The following FAM120A variants were observed in gnomAD, a reference collection of about 807,000 sequenced individuals.
FAM120A encodes the protein constitutive coactivator of PPAR-gamma-like protein 1.
FAM120A carries 15 observed loss-of-function variants against 109.7 expected under a neutral mutation model. The ratio of observed to expected loss-of-function variants is 0.14; its 90% CI spans 0.09 to 0.21. The LOEUF (loss-of-function observed/expected upper bound fraction) is 0.21, where lower values mean the gene tolerates loss of function less well. Ranked by LOEUF, FAM120A falls within the 10% of genes least tolerant of loss-of-function variation. The pLI, the probability that FAM120A is intolerant of heterozygous loss-of-function variation, is 1.00. For missense variants in FAM120A, 899 were observed against 1,439.3 expected (o/e 0.62, Z 6.07); for synonymous variants, 493 against 572.8 (o/e 0.86, Z 1.99).
Position 93,452,985 on chromosome 9 carries a change from T to G in FAM120A, c.474+596T>G. On this transcript the variant is annotated intron_variant, in intron 1 of 17. Transcript: ENST00000277165. This position sits in a 1 kb window ranked among gnomAD's most constrained non-coding sequence, Gnocchi z 7.0. The stretch of plus-strand genomic sequence containing the variant: ...ACGCAGTGCCCTGTCCGTGTTCCTC[T>G]TAGTACAGGGTGTTTAGAGAATCTT... 1.5e-6 allele frequency: 2 copies of G among 1,325,484 alleles called. No homozygotes were observed. Among genetic ancestry groups the G allele is most frequent in the Non-Finnish European group, 1.9e-6 (2 of 1,039,146 alleles). The allele number at this position is 1,325,484 out of a possible 1,614,324, so 82.1% of individuals were successfully genotyped here. A position where few individuals can be genotyped will look rare whatever the true frequency, so the allele number is the denominator to read the frequency against.
chr9:93,462,617 C>T (rs1251636448), intron 1 of FAM120A, among the ~76,000 whole-genome samples: 3 of 152,134 alleles, frequency 2.0e-5, no homozygotes, highest in South Asian at 2.1e-4. Flanking sequence ...TGTTGTATAA[C>T]CATCACCACC....
At position 93,471,219 on chromosome 9, in the gene FAM120A, T is replaced by C; in HGVS notation, c.553T>C (p.Tyr185His). ...RENGFHGLVAYDSDYALCNIP... is the reference protein window; with the variant it reads ...RENGFHGLVAHDSDYALCNIP... ...GAATGGTTTCCATGGCTTGGTTGCG[T>C]ATGACTCTGATTATGCACTGTGCAA... The change falls in exon 2 of 18, where the codon TAT (tyrosine) becomes CAT (histidine). Residue 185 changes from tyrosine (Y) to histidine (H), a missense_variant. Physicochemically the swap from Tyr to His is moderately conservative, Grantham distance 83 (BLOSUM62 2). Coordinates refer to ENST00000277165, the MANE Select transcript of FAM120A (RefSeq NM_014612.5). The C allele has an allele frequency of 6.2e-7, 1 of 1,614,202 alleles. No individual in the cohort carries two copies. Among genetic ancestry groups the C allele is most frequent in the Non-Finnish European group, 8.5e-7 (1 of 1,180,038 alleles).
Position 93,529,475 on chromosome 9 carries a change from C to G in FAM120A, c.1629C>G (p.Ile543Met). ...TGCCCACCAGGAACCACATGGACAT[C>G]ACCACACCTCCCCTGCCCCCCGTCG... ...LSMPTRNHMD[I>M]TTPPLPPVAP... The change falls in exon 9 of 18, where the codon ATC (isoleucine) becomes ATG (methionine). Residue 543 changes from isoleucine to methionine, a missense_variant. Ile to Met is a conservative substitution (Grantham distance 10). This residue lies in a region of FAM120A where 133 missense variants were observed against 276.6 expected (regional missense o/e 0.48). Transcript: ENST00000277165. 6 of 1,614,210 alleles carry G rather than the reference C, an allele frequency of 3.7e-6. No individual in the cohort carries two copies. The highest frequency in any genetic ancestry group is 4.2e-6 in the Non-Finnish European group (5 of 1,180,024).
rs180695438 is a variant in FAM120A, at chr9:93,543,138, T to G, written c.1910-84T>G. Reference sequence around the variant, plus strand: ...CCTGAGAGGCGAATCTTTAGACCAGTTACTAGAGCTGCTTGTTTTTGTTAA... The same window carrying G: ...CCTGAGAGGCGAATCTTTAGACCAGGTACTAGAGCTGCTTGTTTTTGTTAA... On this transcript the variant is annotated intron_variant, in intron 10 of 17. Coordinates refer to ENST00000277165, the MANE Select transcript of FAM120A (RefSeq NM_014612.5). The G allele has an allele frequency of 1.7e-5, 26 of 1,520,042 alleles. 2 individuals carry two copies. In the African/African-American group the frequency reaches 3.5e-4, roughly 20 times the overall value. 94.2% of individuals were successfully genotyped at this position (1,520,042 alleles called of 1,614,324 possible). A position where few individuals can be genotyped will look rare whatever the true frequency, so the allele number is the denominator to read the frequency against.
In FAM120A at chr9:93,476,238, T is replaced by C; in HGVS notation, c.722-18T>C. On this transcript the variant is annotated intron_variant, in intron 2 of 17. Coordinates refer to ENST00000277165, the MANE Select transcript of FAM120A (RefSeq NM_014612.5). ...ACTTAAGATGATTGCTTTTATGTTA[T>C]CCATGTTTATATTCCAGGAAATCAC... 1.3e-6 allele frequency: 2 copies of C among 1,538,958 alleles called. No individual in the cohort carries two copies. The highest frequency in any genetic ancestry group is 1.8e-6 in the Non-Finnish European group (2 of 1,112,660).
intron 2 of FAM120A, 96 bp downstream of exon 2, chr9:93,471,483 T>C: frequency 6.8e-7 from 1 of 1,465,886 alleles, no homozygotes; most frequent in Non-Finnish European, 9.3e-7. Context: ...GTTTTGGATA[T>C]GTATCACACA....
At chr9:93,511,369 G>A (rs532339041) in intron 5 of FAM120A, among the ~76,000 whole-genome samples, 1 of 152,316 alleles carries the variant, frequency 6.6e-6, no homozygotes, top group Admixed American at 6.5e-5. Flanking sequence ...TTAGCTCTTG[G>A]GAGTTGCTCC....
intron 11 of FAM120A, among the ~76,000 whole-genome samples, chr9:93,547,213 G>A (rs1455656343): frequency 2.6e-5 from 4 of 152,208 alleles, no homozygotes; most frequent in African/African-American, 9.6e-5. Context: ...TCCAAAAGCA[G>A]CAGCTTATGT....
chr9:93,499,410 C>G (rs965454251), intron 5 of FAM120A, among the ~76,000 whole-genome samples: 23 of 152,040 alleles, frequency 1.5e-4, no homozygotes, highest in Admixed American at 5.2e-4. Context: ...GCCCCAGCCT[C>G]CTAAGTAGCT....
At chr9:93,461,986 A>C (rs1233858557) in intron 1 of FAM120A, among the ~76,000 whole-genome samples, 1 of 152,234 alleles carries the variant, frequency 6.6e-6, no homozygotes, top group Non-Finnish European at 1.5e-5. Flanking sequence ...TGATCACATC[A>C]CAAGCAGTGT....
At chr9:93,554,884 C>T (rs1423823182) in intron 12 of FAM120A, among the ~76,000 whole-genome samples, 1 of 152,166 alleles carries the variant, frequency 6.6e-6, no homozygotes, top group East Asian at 1.9e-4. Flanking sequence ...AGCGGAGCCC[C>T]ACCTGACTGG....
chr9:93,544,769 G>A (rs572181862), intron 11 of FAM120A, among the ~76,000 whole-genome samples: 3 of 152,240 alleles, frequency 2.0e-5, no homozygotes, highest in East Asian at 1.9e-4. Context: ...GTTCCAGGTC[G>A]TCTCTGCTTT....
chr9:93,462,557 T>C (rs1857840124), intron 1 of FAM120A, among the ~76,000 whole-genome samples: 1 of 152,214 alleles, frequency 6.6e-6, no homozygotes, highest in South Asian at 2.1e-4. Flanking sequence ...ACTGAGATTA[T>C]AGGTGTGAGC....
intron 5 of FAM120A, among the ~76,000 whole-genome samples, chr9:93,513,968 T>C (rs892789614): frequency 1.3e-5 from 2 of 152,242 alleles, no homozygotes; most frequent in Admixed American, 6.5e-5. Context: ...TCTTGGGTTG[T>C]GTTCCCCTTG....
At position 93,451,859 on chromosome 9, in the gene FAM120A, C is replaced by G; in HGVS notation, c.-57C>G. 9.9e-7 allele frequency: 1 copy of G among 1,012,548 alleles called. No homozygotes were observed. Among genetic ancestry groups the G allele is most frequent in the Admixed American group, 5.9e-5 (1 of 16,912 alleles). The allele number at this position is 1,012,548 out of a possible 1,614,324, so 62.7% of individuals were successfully genotyped here. On this transcript the variant is annotated 5_prime_UTR_variant, in exon 1 of 18. Transcript: ENST00000277165. ...AGCCCGCCCGCGCGCCACGGCCCCA[C>G]CACCCCCGGCCCCGCCGCCCCCCGC...
intron 1 of FAM120A, among the ~76,000 whole-genome samples, chr9:93,470,592 G>T (rs10992749): frequency 0.27 from 40,935 of 152,018 alleles, 6,584 homozygotes; most frequent in East Asian, 0.43. Flanking sequence ...GTGCATCCTT[G>T]TATGGTCTCC....
At chr9:93,551,928 T>C (rs1005931206) in intron 12 of FAM120A, among the ~76,000 whole-genome samples, 4 of 152,248 alleles carry the variant, frequency 2.6e-5, no homozygotes, top group African/African-American at 9.6e-5. Flanking sequence ...TTTCAATGTT[T>C]GGTCAGGTGT....
At position 93,451,827 on chromosome 9, in the gene FAM120A, G is replaced by A; in HGVS notation, c.-89G>A. Reference sequence around the variant, plus strand: ...GTCCCCCCTAGAGGCCGCCGCCCCCGCCCGCCAGCCCGCCCGCGCGCCACG... The same window carrying A: ...GTCCCCCCTAGAGGCCGCCGCCCCCACCCGCCAGCCCGCCCGCGCGCCACG... On this transcript the variant is annotated 5_prime_UTR_variant, in exon 1 of 18. Transcript: ENST00000277165. 6 of 493,402 alleles carry A rather than the reference G, an allele frequency of 1.2e-5. No individual in the cohort carries two copies. The highest frequency in any genetic ancestry group is 1.4e-5 in the Non-Finnish European group (6 of 433,610). 30.6% of individuals were successfully genotyped at this position (493,402 alleles called of 1,614,324 possible).
chr9:93,551,469 G>A (rs1308687525), intron 12 of FAM120A, among the ~76,000 whole-genome samples: 1 of 152,128 alleles, frequency 6.6e-6, no homozygotes, highest in Non-Finnish European at 1.5e-5. Flanking sequence ...TCTTTTCAAT[G>A]TATAGGGTTT....
Sources: allele counts gnomAD v4.1 joint callset (sites outside exome capture counted in the v4.1 genomes callset), GRCh38; gene constraint gnomAD v4.1.1; regional missense constraint gnomAD v4.1.1; non-coding constraint Gnocchi (gnomAD v3.1); transcripts MANE v1.5; gene names NCBI Gene and HGNC (gene_info 2026-07-23, HGNC 2026-07-21).